The following COL22A1 variants were observed in gnomAD, a reference collection of about 807,000 sequenced individuals.
COL22A1 encodes the protein collagen alpha-1(XXII) chain.
A neutral mutation model predicts 248.9 loss-of-function variants in COL22A1; 221 were observed. That is an observed-to-expected ratio of 0.89 (90% confidence interval 0.80 to 0.99). COL22A1 has a LOEUF of 0.99. Among genes scored for constraint, COL22A1 ranks in the 50% least tolerant of loss-of-function variants. The pLI is 0.00. For synonymous variants in COL22A1, 891 were observed against 793.4 expected (o/e 1.12, Z -2.07); for missense variants, 2,240 against 2,179.0 (o/e 1.03, Z -0.56).
intron 47 of COL22A1, among the ~76,000 whole-genome samples, chr8:138,639,226 C>T (rs901993018): frequency 1.3e-5 from 2 of 152,146 alleles, no homozygotes; most frequent in South Asian, 2.1e-4. Flanking sequence ...CAGTCATTCA[C>T]CTGAGCTCAC....
chr8:138,819,502 C>G (rs1340958632), intron 7 of COL22A1, among the ~76,000 whole-genome samples: 1 of 150,518 alleles, frequency 6.6e-6, no homozygotes, highest in African/African-American at 2.4e-5. Flanking sequence ...AGCAGACTGG[C>G]AAAACAACAA....
At chr8:138,608,657 T>C (rs1182787830) in intron 56 of COL22A1, among the ~76,000 whole-genome samples, 1 of 152,192 alleles carries the variant, frequency 6.6e-6, no homozygotes, top group African/African-American at 2.4e-5. Flanking sequence ...AGGATCCCAG[T>C]AGAGTAAAAA....
chr8:138,901,282 T>C (rs541378731), intron 1 of COL22A1, among the ~76,000 whole-genome samples: 2 of 150,186 alleles, frequency 1.3e-5, no homozygotes, highest in South Asian at 4.2e-4. Context: ...GTGAAAAGTC[T>C]CCAGCAGTTG....
At chr8:138,756,731 G>A (rs1310250808) in intron 18 of COL22A1, among the ~76,000 whole-genome samples, 5 of 151,992 alleles carry the variant, frequency 3.3e-5, no homozygotes, top group African/African-American at 7.2e-5. Flanking sequence ...CAAGACACAC[G>A]CTCACTGCCT....
chr8:138,793,750 G>A (rs1457657433), intron 12 of COL22A1, among the ~76,000 whole-genome samples: 2 of 152,174 alleles, frequency 1.3e-5, no homozygotes, highest in Non-Finnish European at 2.9e-5. Flanking sequence ...TCAGGTGTGA[G>A]GAGAACAGGC....
intron 22 of COL22A1, among the ~76,000 whole-genome samples, chr8:138,741,711 G>A (rs896582130): frequency 2.0e-5 from 3 of 152,226 alleles, no homozygotes; most frequent in African/African-American, 7.2e-5. Context: ...GTGTCAAACA[G>A]ATCTGGTTTC....
At chr8:138,896,295 G>A (rs982952857) in intron 1 of COL22A1, among the ~76,000 whole-genome samples, 10 of 152,000 alleles carry the variant, frequency 6.6e-5, no homozygotes, top group South Asian at 4.2e-4. Flanking sequence ...CATCTGATAC[G>A]GTGTTCAGTG....
At chr8:138,857,426 C>T (rs929342641) in intron 3 of COL22A1, among the ~76,000 whole-genome samples, 3 of 152,192 alleles carry the variant, frequency 2.0e-5, no homozygotes, top group South Asian at 2.1e-4. Flanking sequence ...TGGACATTCA[C>T]GGCTGACCTG....
Position 138,877,872 on chromosome 8 carries a change from T to TCGCCCA in COL22A1, c.530_535dup (p.Val177_Gly178dup). On this transcript the variant is annotated inframe_insertion, in exon 3 of 65. Transcript: ENST00000303045. The stretch of plus-strand genomic sequence containing the variant: ...CTCCTCCAGCTCCTCCTTGAGTGCC[T>TCGCCCA]CGCCCACGCCCACGGCAAAGATGCG... The TCGCCCA allele has an allele frequency of 6.2e-7, 1 of 1,613,118 alleles. No homozygotes were observed. Among genetic ancestry groups the TCGCCCA allele is most frequent in the South Asian group, 1.1e-5 (1 of 90,978 alleles).
At chr8:138,608,350 C>G (rs989064558) in intron 56 of COL22A1, among the ~76,000 whole-genome samples, 1 of 152,212 alleles carries the variant, frequency 6.6e-6, no homozygotes, top group Non-Finnish European at 1.5e-5. Flanking sequence ...CCATCTAATA[C>G]AACCCAGCTT....
chr8:138,688,038 C>T (rs1398136097), intron 37 of COL22A1, among the ~76,000 whole-genome samples: 1 of 152,202 alleles, frequency 6.6e-6, no homozygotes, highest in Non-Finnish European at 1.5e-5. Flanking sequence ...AACGCTGAAT[C>T]ATTCAAATGA....
chr8:138,778,520 A>C, intron 14 of COL22A1, 114 bp from the exon 15 acceptor site: 45 of 880,606 alleles, frequency 5.1e-5, no homozygotes, highest in Non-Finnish European at 7.6e-5. Flanking sequence ...CTCACCTCTC[A>C]CCAAGTGCTG....
chr8:138,724,816 C>G, intron 24 of COL22A1, 148 bp from the exon 25 acceptor site: 2 of 720,056 alleles, frequency 2.8e-6, no homozygotes, highest in South Asian at 3.3e-5. Flanking sequence ...CGCTGTGAAA[C>G]GCGGAGTTGT....
intron 47 of COL22A1, among the ~76,000 whole-genome samples, chr8:138,640,716 C>T (rs1432827668): frequency 6.6e-6 from 1 of 152,192 alleles, no homozygotes; most frequent in Non-Finnish European, 1.5e-5. Flanking sequence ...GTATTAAATG[C>T]TTCCTACCTG....
chr8:138,766,631 G>A (rs888088616), intron 16 of COL22A1, among the ~76,000 whole-genome samples: 3 of 152,136 alleles, frequency 2.0e-5, no homozygotes, highest in African/African-American at 7.2e-5. Flanking sequence ...GGACAGTTAA[G>A]ACAGGCGCAG....
At chr8:138,712,026 G>A (rs191372421) in intron 30 of COL22A1, among the ~76,000 whole-genome samples, 1 of 152,176 alleles carries the variant, frequency 6.6e-6, no homozygotes, top group East Asian at 1.9e-4. Flanking sequence ...TGACAGCAGT[G>A]ACCCCTCATG....
At chr8:138,680,530 A>T (rs1825877411) in intron 39 of COL22A1, among the ~76,000 whole-genome samples, 1 of 152,188 alleles carries the variant, frequency 6.6e-6, no homozygotes, top group Admixed American at 6.5e-5. Flanking sequence ...AGTTATAAGG[A>T]ATTAGAAGGG....
intron 44 of COL22A1, among the ~76,000 whole-genome samples, chr8:138,658,105 G>C (rs558616180): frequency 1.3e-5 from 2 of 152,288 alleles, no homozygotes; most frequent in Non-Finnish European, 2.9e-5. Flanking sequence ...GAGGATCCTG[G>C]AACAGGAATT....
At chr8:138,851,669 G>T (rs74701043) in intron 3 of COL22A1, among the ~76,000 whole-genome samples, 3 of 152,278 alleles carry the variant, frequency 2.0e-5, no homozygotes, top group Middle Eastern at 3.4e-3. Context: ...AGATGGAGGC[G>T]CAAGGGGAGC....
Sources: allele counts gnomAD v4.1 joint callset (sites outside exome capture counted in the v4.1 genomes callset), GRCh38; gene constraint gnomAD v4.1.1; transcripts MANE v1.5; gene names NCBI Gene and HGNC (gene_info 2026-07-23, HGNC 2026-07-21).